Variants in ADK observed in about 807,000 individuals in gnomAD.
ADK encodes adenosine kinase, also known as N6,N6-dimethyladenosine kinase.
In ADK, 24 loss-of-function variants were observed where a neutral mutation model predicts 44.7. The ratio of observed to expected loss-of-function variants is 0.54; its 90% CI spans 0.39 to 0.76. The LOEUF is 0.76. ADK is among the 30% of genes least tolerant of loss of function. The probability of loss-of-function intolerance (pLI) is 0.00; values close to 1 mark genes in which losing one functional copy is unlikely to be tolerated. For synonymous variants in ADK, 128 were observed against 142.6 expected, an observed-to-expected ratio of 0.90 and a Z score of 0.73; for missense variants, 321 against 425.1, an observed-to-expected ratio of 0.76 and a Z score of 2.15.
chr10:74,282,650 G>T (rs1846986824), intron 3 of ADK, among the ~76,000 whole-genome samples: 1 of 152,150 alleles, frequency 6.6e-6, no homozygotes, highest in Non-Finnish European at 1.5e-5. Context: ...AACACTGGAA[G>T]CTTCCCAGAA....
At chr10:74,298,471 G>T (rs567534117) in intron 3 of ADK, among the ~76,000 whole-genome samples, 2 of 152,252 alleles carry the variant, frequency 1.3e-5, no homozygotes, top group African/African-American at 4.8e-5. Context: ...GAGGACATTA[G>T]GCTCGTTGCA....
At chr10:74,583,739 G>C (rs1851443880) in intron 7 of ADK, among the ~76,000 whole-genome samples, 1 of 152,132 alleles carries the variant, frequency 6.6e-6, no homozygotes, top group Non-Finnish European at 1.5e-5. Flanking sequence ...AGTTTTTCTT[G>C]TTAACCTCAT....
At chr10:74,566,481 C>A (rs1008178534) in intron 7 of ADK, among the ~76,000 whole-genome samples, 12 of 152,104 alleles carry the variant, frequency 7.9e-5, no homozygotes, top group African/African-American at 1.2e-4. Flanking sequence ...GGATTACATG[C>A]GTGAGCCACC....
intron 1 of ADK, among the ~76,000 whole-genome samples, chr10:74,178,937 C>T (rs1842442623): frequency 6.6e-6 from 1 of 152,228 alleles, no homozygotes; most frequent in Non-Finnish European, 1.5e-5. Flanking sequence ...TGATTTAGTG[C>T]TCTGCATGGT....
At chr10:74,560,428 T>C (rs994271170) in intron 7 of ADK, among the ~76,000 whole-genome samples, 1 of 152,214 alleles carries the variant, frequency 6.6e-6, no homozygotes, top group Admixed American at 6.5e-5. Flanking sequence ...GTATCTTAGA[T>C]GATGGGTCAT....
At chr10:74,674,249 G>C (rs1027859796) in intron 10 of ADK, among the ~76,000 whole-genome samples, 5 of 152,082 alleles carry the variant, frequency 3.3e-5, no homozygotes, top group African/African-American at 1.2e-4. Flanking sequence ...AACAGAAATG[G>C]TCTTGTTAGT....
intron 7 of ADK, among the ~76,000 whole-genome samples, chr10:74,537,917 C>T (rs1849508514): frequency 6.6e-6 from 1 of 151,874 alleles, no homozygotes; most frequent in Non-Finnish European, 1.5e-5. Flanking sequence ...GATAAAGCTC[C>T]CCCTCATATC....
chr10:74,626,174 AGCAGCAGTTAACATTAAAAACTTGT>A (rs1853195698), intron 9 of ADK, among the ~76,000 whole-genome samples: 1 of 152,258 alleles, frequency 6.6e-6, no homozygotes, highest in African/African-American at 2.4e-5. Flanking sequence ...TCCACATAGA[AGCAGCAGTTAACATTAAAAACTTGT>A]GTCCACTTCC....
At chr10:74,616,767 T>C (rs1852774459) in intron 9 of ADK, among the ~76,000 whole-genome samples, 1 of 152,196 alleles carries the variant, frequency 6.6e-6, no homozygotes, top group Admixed American at 6.5e-5. Flanking sequence ...AAAAATTCCT[T>C]ACTAGAGTTT....
At chr10:74,375,419 C>T (rs1021444146) in intron 4 of ADK, among the ~76,000 whole-genome samples, 1 of 151,958 alleles carries the variant, frequency 6.6e-6, no homozygotes, top group Non-Finnish European at 1.5e-5. Context: ...ATATCATTGC[C>T]CTTTAAAAAA....
At chr10:74,528,006 G>C in intron 7 of ADK, 1 of 822,846 alleles carries the variant, frequency 1.2e-6, no homozygotes, top group Non-Finnish European at 2.1e-6. Flanking sequence ...CAAGAAAAAA[G>C]CGATTGAGGG....
At chr10:74,176,904 G>C in intron 1 of ADK, 1 of 1,609,972 alleles carries the variant, frequency 6.2e-7, no homozygotes, top group Non-Finnish European at 8.5e-7. Context: ...GCGGGCGGCT[G>C]CCTTGACTGC....
At chr10:74,706,991 T>C (rs1292339280) in intron 10 of ADK, among the ~76,000 whole-genome samples, 1 of 152,200 alleles carries the variant, frequency 6.6e-6, no homozygotes, top group Non-Finnish European at 1.5e-5. Context: ...ATTTGAAGTA[T>C]GTGAAGTACC....
rs146497197 is a variant in ADK at position 74,581,096 on chromosome 10, C to T, written c.727-8186C>T. Among the ~76,000 whole-genome samples the T allele has an allele frequency of 5.1e-3, 775 of 151,406 alleles. 9 individuals are homozygous for T. Among genetic ancestry groups the T allele is most frequent in the African/African-American group, 0.018 (746 of 41,236 alleles). On this transcript the variant is annotated intron_variant, in intron 7 of 10. Transcript: ENST00000539909. ...CATGCGAAGAAGCAGGAAAATACAA[C>T]CCATAATGAGGAGAAATATTAATAG...
chr10:74,404,924 A>C (rs1158355576), intron 6 of ADK, among the ~76,000 whole-genome samples: 1 of 152,118 alleles, frequency 6.6e-6, no homozygotes, highest in Non-Finnish European at 1.5e-5. Flanking sequence ...GGTTTTGTTT[A>C]ACTTCTTAGA....
intron 6 of ADK, among the ~76,000 whole-genome samples, chr10:74,508,615 T>A (rs1848176891): frequency 6.6e-6 from 1 of 152,160 alleles, no homozygotes; most frequent in African/African-American, 2.4e-5. Flanking sequence ...TAGCAAAAAT[T>A]TTTAAAATAA....
chr10:74,203,671 G>T (rs1275366987), intron 2 of ADK, among the ~76,000 whole-genome samples: 4 of 151,628 alleles, frequency 2.6e-5, no homozygotes. Flanking sequence ...CACCATACCT[G>T]GCCTGTACGA....
chr10:74,671,038 T>TAA (rs10670267), intron 10 of ADK, among the ~76,000 whole-genome samples: 10 of 99,114 alleles, frequency 1.0e-4, no homozygotes, highest in African/African-American at 2.8e-4. Context: ...CAGGTTAATT[T>TAA]AAAAAAAAAA....
intron 9 of ADK, among the ~76,000 whole-genome samples, chr10:74,606,979 A>T (rs969437124): frequency 6.6e-6 from 1 of 152,074 alleles, no homozygotes; most frequent in Non-Finnish European, 1.5e-5. Flanking sequence ...CTTTACCATT[A>T]TGTAATGCCC....
Sources: gnomAD v4.1 joint callset for allele counts (sites outside exome capture counted in the v4.1 genomes callset) on GRCh38, gnomAD v4.1.1 for gene constraint, MANE v1.5 for transcripts, NCBI Gene and HGNC (gene_info 2026-07-23, HGNC 2026-07-21) for gene names.